The following POLR1C variants were observed in gnomAD, a reference collection of about 807,000 sequenced individuals.
POLR1C encodes the protein DNA-directed RNA polymerases I and III subunit RPAC1.
Under a neutral mutation model 38.3 loss-of-function variants are expected in POLR1C, and 42 were observed. The ratio of observed to expected loss-of-function variants is 1.10; its 90% CI spans 0.86 to 1.42. The LOEUF (loss-of-function observed/expected upper bound fraction) is 1.42. Among genes scored for constraint, POLR1C ranks in the 40% most tolerant of loss-of-function variants. The pLI, the probability that POLR1C is intolerant of heterozygous loss-of-function variation, is 0.00. For synonymous variants in POLR1C, 163 were observed against 163.9 expected (o/e 0.99, Z 0.04); for missense variants, 507 against 450.5 (o/e 1.13, Z -1.14).
At chr6:43,522,700 C>G (rs778139802), downstream of POLR1C, 13 of 498,930 alleles carry the variant, frequency 2.6e-5, no homozygotes, top group African/African-American at 2.1e-4. Flanking sequence ...CACTTCGGCT[C>G]TCGGGGAAAC....
chr6:43,528,132 CAAG>C (rs1793717204), intron 8 of POLR1C: 2 of 1,578,322 alleles, frequency 1.3e-6, no homozygotes, highest in African/African-American at 1.3e-5. Flanking sequence ...GTTCATCCAC[CAAG>C]AAGAGTGGGT....
downstream of POLR1C, chr6:43,531,471 T>C (rs372112769): frequency 3.6e-4 from 580 of 1,610,796 alleles, no homozygotes; most frequent in Non-Finnish European, 4.5e-4. Flanking sequence ...GCAGCATTGG[T>C]TCCTTACCAG....
At chr6:43,548,113 C>CA in intron 9 of POLR1C, 2 of 828,062 alleles carry the variant, frequency 2.4e-6, no homozygotes, top group Non-Finnish European at 3.6e-6. Flanking sequence ...GATTAAATTA[C>CA]AAAAGACTGC....
At chr6:43,559,202 CAGG>C (rs1168270562) in intron 10 of POLR1C, 2 of 152,478 alleles carry the variant, frequency 1.3e-5, no homozygotes, top group Non-Finnish European at 2.9e-5. Context: ...GAGGCTGAGG[CAGG>C]AGAATTGCTT....
chr6:43,525,625 TG>T (rs1793536293), downstream of POLR1C: 1 of 573,714 alleles, frequency 1.7e-6, no homozygotes, highest in Non-Finnish European at 3.1e-6. Flanking sequence ...GTGCCTACTA[TG>T]TGTTTTCCTG....
chr6:43,528,887 C>G (rs937556059), intron 8 of POLR1C: 3 of 1,613,700 alleles, frequency 1.9e-6, no homozygotes, highest in African/African-American at 2.7e-5. Context: ...TCATAGTGCT[C>G]TGGGGGACAG....
At chr6:43,561,817 A>G in exon 11 of POLR1C, 1 of 155,666 alleles carries the variant, frequency 6.4e-6, no homozygotes, top group South Asian at 2.0e-4. Flanking sequence ...TATTTCTCTA[A>G]TGGCAGGTTT....
intron 8 of POLR1C, 51 bp from the exon 9 acceptor site, chr6:43,521,131 A>C (rs762129277): frequency 2.5e-6 from 4 of 1,608,278 alleles, no homozygotes; most frequent in Non-Finnish European, 3.4e-6. Flanking sequence ...GTTTATGAGT[A>C]AGTTTTACAG....
chr6:43,547,316 C>T, intron 9 of POLR1C: 1 of 465,808 alleles, frequency 2.1e-6, no homozygotes, highest in Non-Finnish European at 4.0e-6. Context: ...GAGGACTCAC[C>T]CTGCTGACCA....
chr6:43,539,446 C>T, intron 9 of POLR1C: 19 of 1,570,530 alleles, frequency 1.2e-5, no homozygotes, highest in Non-Finnish European at 1.6e-5. Flanking sequence ...CCTTAATGGG[C>T]AGGGAGAAGA....
exon 11 of POLR1C, chr6:43,562,262 C>T: frequency 6.2e-7 from 1 of 1,606,832 alleles, no homozygotes; most frequent in South Asian, 1.1e-5. Context: ...ATGCACACAG[C>T]TGATTGCCCA....
At chr6:43,523,556 G>C (rs140688078), downstream of POLR1C, 317 of 535,636 alleles carry the variant, frequency 5.9e-4, 3 homozygotes, top group African/African-American at 5.8e-3. Flanking sequence ...CTGCACGGGG[G>C]TGGGAGGGCT....
chr6:43,545,711 AAAAC>A (rs1196490468), intron 9 of POLR1C, among the ~76,000 whole-genome samples: 7 of 142,516 alleles, frequency 4.9e-5, no homozygotes, highest in African/African-American at 2.2e-4. Context: ...CTGTCTCAAA[AAAAC>A]AAACAAACAA....
intron 7 of POLR1C, 45 bp from the exon 8 acceptor site, chr6:43,520,887 G>A: frequency 6.2e-7 from 1 of 1,605,536 alleles, no homozygotes; most frequent in South Asian, 1.1e-5. Context: ...CTACCAAGTG[G>A]CAAATTAGAA....
intron 9 of POLR1C, among the ~76,000 whole-genome samples, chr6:43,540,262 G>A (rs375958404): frequency 4.3e-4 from 65 of 152,268 alleles, no homozygotes; most frequent in African/African-American, 1.5e-3. Flanking sequence ...GGCGGATCAC[G>A]AGGTCAGGAG....
intron 10 of POLR1C, chr6:43,551,144 T>C: frequency 1.5e-6 from 1 of 673,752 alleles, no homozygotes; most frequent in Non-Finnish European, 2.3e-6. Flanking sequence ...TAGTCTCAGC[T>C]ACTCAGAAGG....
chr6:43,548,301 C>T (rs1316097992), intron 9 of POLR1C: 2 of 1,612,606 alleles, frequency 1.2e-6, no homozygotes, highest in Non-Finnish European at 1.7e-6. Context: ...GCCACTGGTG[C>T]CATCAGCTCC....
chr6:43,520,126 G>A lies in POLR1C; in HGVS notation c.443G>A (p.Arg148Gln), dbSNP rs144195949. The A allele has an allele frequency of 1.7e-4, 274 of 1,614,074 alleles. No homozygotes were observed. Among genetic ancestry groups the A allele is most frequent in the Non-Finnish European group, 2.1e-4 (251 of 1,180,042 alleles). Residue 148 changes from arginine to glutamine, a missense_variant, in exon 5 of 9, where the codon CGG becomes CAG. Coordinates refer to ENST00000642195, the MANE Select transcript of POLR1C (RefSeq NM_203290.4). ...TTTCGTCTCCAGGTCAGATGCACTC[G>A]GAACCCCCATGCTGCTAAAGATTCC... ...LQFRLQVRCTRNPHAAKDSSD... is the reference protein window; with the variant it reads ...LQFRLQVRCTQNPHAAKDSSD...
chr6:43,558,433 A>G, intron 10 of POLR1C: 1 of 1,385,590 alleles, frequency 7.2e-7, no homozygotes, highest in South Asian at 1.4e-5. Flanking sequence ...AACACCATGC[A>G]CCATGATTCA....
Sources: gnomAD v4.1 joint callset for allele counts (sites outside exome capture counted in the v4.1 genomes callset) on GRCh38, gnomAD v4.1.1 for gene constraint, MANE v1.5 for transcripts, NCBI Gene and HGNC (gene_info 2026-07-23, HGNC 2026-07-21) for gene names.